The following SOX5 variants were observed in gnomAD, a reference collection of about 807,000 sequenced individuals.
SOX5 encodes the protein transcription factor SOX-5.
SOX5 carries 9 observed loss-of-function variants against 92.0 expected under a neutral mutation model. The ratio of observed to expected loss-of-function variants is 0.10; its 90% confidence interval spans 0.06 to 0.17. SOX5 has a LOEUF of 0.17. Ranked by LOEUF, SOX5 falls within the 10% of genes least tolerant of loss-of-function variation. The pLI, the probability that SOX5 is intolerant of heterozygous loss-of-function variation, is 1.00. For missense variants in SOX5, 642 were observed against 944.5 expected (o/e 0.68, Z 4.20); for synonymous variants, 344 against 336.3 (o/e 1.02, Z -0.25).
chr12:23,851,830 G>C lies in SOX5; in HGVS notation c.271-5637C>G, dbSNP rs1367391625. On this transcript the variant is annotated intron_variant, in intron 2 of 14. Coordinates refer to ENST00000451604, the MANE Select transcript of SOX5 (RefSeq NM_006940.6). ...GCACTTACAACATCAGGGATCCTTAGTGCCTAAACAACTATAAGGTACACA... is the reference window on the plus strand; with the variant it reads ...GCACTTACAACATCAGGGATCCTTACTGCCTAAACAACTATAAGGTACACA... Among the ~76,000 whole-genome samples, 6 of 151,978 alleles carry C rather than the reference G, an allele frequency of 3.9e-5. No individual in the cohort carries two copies. In the East Asian group the frequency reaches 1.2e-3, roughly 29 times the overall value.
At chr12:24,332,410 C>T (rs1222960535) in intron 2 of SOX5, among the ~76,000 whole-genome samples, 4 of 151,994 alleles carry the variant, frequency 2.6e-5, no homozygotes, top group Non-Finnish European at 5.9e-5. Flanking sequence ...TTCAGATAGG[C>T]AATATCTGAG....
chr12:23,839,530 A>T (rs2096485576), intron 3 of SOX5, among the ~76,000 whole-genome samples: 2 of 152,176 alleles, frequency 1.3e-5, no homozygotes, highest in African/African-American at 4.8e-5. Context: ...AAAAACAGAT[A>T]AAGACATTAC....
intron 4 of SOX5, among the ~76,000 whole-genome samples, chr12:24,021,496 T>G (rs1301718868): frequency 6.6e-6 from 1 of 152,266 alleles, no homozygotes. Flanking sequence ...AACGAGCTAT[T>G]AATGGTAAAC....
Position 24,238,627 on chromosome 12 carries a change from G to A in SOX5, c.-76-25210C>T, listed in dbSNP as rs560908991. On this transcript the variant is annotated intron_variant, in intron 3 of 4. Coordinates refer to the SOX5 transcript ENST00000446891. ...CTTCCTCAGCTTCCCAAAGTGCTGG[G>A]ATTACAGGAGTGAGCCACAGTGCCC... Among the ~76,000 whole-genome samples the A allele has an allele frequency of 1.1e-3, 168 of 152,312 alleles. 1 individual carries two copies. Among genetic ancestry groups the A allele is most frequent in the Non-Finnish European group, 1.7e-3 (116 of 68,034 alleles).
At chr12:24,325,564 C>T (rs186130670) in intron 2 of SOX5, among the ~76,000 whole-genome samples, 1 of 152,152 alleles carries the variant, frequency 6.6e-6, no homozygotes, top group Non-Finnish European at 1.5e-5. Flanking sequence ...AATGAAGAAC[C>T]GAGCCACCCA....
chr12:23,705,559 C>G (rs1275732300), intron 6 of SOX5, among the ~76,000 whole-genome samples: 4 of 151,942 alleles, frequency 2.6e-5, no homozygotes, highest in Admixed American at 6.6e-5. Flanking sequence ...TGAGGAGGGA[C>G]CTGCCTGGTT....
intron 4 of SOX5, among the ~76,000 whole-genome samples, chr12:24,000,657 A>C (rs1166050311): frequency 1.3e-5 from 2 of 152,158 alleles, no homozygotes; most frequent in African/African-American, 4.8e-5. Context: ...CAGGCATAAG[A>C]TACATAGAAA....
chr12:24,275,729 A>G (rs1036195645), intron 3 of SOX5, among the ~76,000 whole-genome samples: 1 of 152,178 alleles, frequency 6.6e-6, no homozygotes. Flanking sequence ...CCAAACTAAT[A>G]GCATGGGAAT....
chr12:23,914,250 T>G (rs2097386421), intron 1 of SOX5, among the ~76,000 whole-genome samples: 1 of 152,206 alleles, frequency 6.6e-6, no homozygotes, highest in Non-Finnish European at 1.5e-5. Context: ...CTAAATTTTT[T>G]TCATAGTAGT....
chr12:24,384,577 G>A (rs1169336728), intron 1 of SOX5, among the ~76,000 whole-genome samples: 4 of 152,280 alleles, frequency 2.6e-5, no homozygotes, highest in Middle Eastern at 3.4e-3. Flanking sequence ...AGGCTGCTAC[G>A]GTCCACGGTA....
At chr12:24,399,918 C>A (rs978707979) in intron 1 of SOX5, among the ~76,000 whole-genome samples, 2 of 152,114 alleles carry the variant, frequency 1.3e-5, no homozygotes, top group African/African-American at 4.8e-5. Flanking sequence ...ATCAAAATAT[C>A]CTATGTACTG....
intron 1 of SOX5, among the ~76,000 whole-genome samples, chr12:23,947,865 C>T (rs1179278877): frequency 6.6e-6 from 1 of 151,934 alleles, no homozygotes; most frequent in Non-Finnish European, 1.5e-5. Context: ...AGGCTACAGC[C>T]TGTTAATATG....
intron 1 of SOX5, among the ~76,000 whole-genome samples, chr12:24,397,145 GAA>G (rs1233260403): frequency 1.3e-5 from 2 of 152,046 alleles, no homozygotes; most frequent in Non-Finnish European, 2.9e-5. Context: ...AGTAATATCA[GAA>G]AAAGTCTTCT....
At chr12:23,582,871 G>A (rs1473411346) in intron 9 of SOX5, among the ~76,000 whole-genome samples, 1 of 151,876 alleles carries the variant, frequency 6.6e-6, no homozygotes, top group Non-Finnish European at 1.5e-5. Context: ...TTAATTTGCT[G>A]GCCCTTAATT....
chr12:24,370,337 C>T (rs989738861), intron 1 of SOX5, among the ~76,000 whole-genome samples: 1 of 151,908 alleles, frequency 6.6e-6, no homozygotes, highest in Non-Finnish European at 1.5e-5. Context: ...TTTAGCCGGG[C>T]GTGGTGGCAG....
At chr12:24,539,932 G>T (rs1007565401) in intron 1 of SOX5, among the ~76,000 whole-genome samples, 1 of 151,958 alleles carries the variant, frequency 6.6e-6, no homozygotes, top group African/African-American at 2.4e-5. Flanking sequence ...CTTTACTGAT[G>T]GCTAAGAAAA....
intron 3 of SOX5, among the ~76,000 whole-genome samples, chr12:23,767,229 C>G (rs2094764072): frequency 1.5e-5 from 2 of 134,470 alleles, no homozygotes; most frequent in East Asian, 4.0e-4. Context: ...CACACACACA[C>G]ACACACACAC....
intron 3 of SOX5, among the ~76,000 whole-genome samples, chr12:23,761,763 TG>T (rs2094569192): frequency 6.6e-6 from 1 of 152,144 alleles, no homozygotes; most frequent in African/African-American, 2.4e-5. Flanking sequence ...ATTTGATAGG[TG>T]GTACTGTGGG....
chr12:23,570,117 T>G (rs1947892876), intron 10 of SOX5, among the ~76,000 whole-genome samples: 1 of 152,222 alleles, frequency 6.6e-6, no homozygotes, highest in Admixed American at 6.5e-5. Flanking sequence ...CACACAAATC[T>G]TATTTACTAC....
Sources: gnomAD v4.1 joint callset for allele counts (sites outside exome capture counted in the v4.1 genomes callset) on GRCh38, gnomAD v4.1.1 for gene constraint, MANE v1.5 for transcripts, NCBI Gene and HGNC (gene_info 2026-07-23, HGNC 2026-07-21) for gene names.